CPB2: variants seen among roughly 807,000 people sequenced by gnomAD.
The protein encoded by CPB2 is carboxypeptidase B2.
In CPB2, 54 loss-of-function variants were observed where a neutral mutation model predicts 57.0. The observed-to-expected ratio is 0.95, with a 90% CI of 0.76 to 1.19. The LOEUF (loss-of-function observed/expected upper bound fraction) is 1.19. Among genes scored for constraint, CPB2 ranks in the 50% most tolerant of loss-of-function variants. The pLI is 0.00. For missense variants in CPB2, 426 were observed against 512.0 expected, an observed-to-expected ratio of 0.83 and a Z score of 1.62; for synonymous variants, 189 against 178.1, an observed-to-expected ratio of 1.06 and a Z score of -0.49.
chr13:46,089,578 C>G (rs975674080), intron 1 of CPB2, among the ~76,000 whole-genome samples: 1 of 152,116 alleles, frequency 6.6e-6, no homozygotes, highest in Non-Finnish European at 1.5e-5. Flanking sequence ...AGAAATTGCT[C>G]TGATCTGAAT....
At chr13:46,075,532 A>T (rs906167451) in intron 5 of CPB2, among the ~76,000 whole-genome samples, 1 of 152,234 alleles carries the variant, frequency 6.6e-6, no homozygotes, top group African/African-American at 2.4e-5. Context: ...CTGAAAGCAA[A>T]TGTCATGGGT....
chr13:46,065,520 G>A (rs139975374), intron 7 of CPB2, among the ~76,000 whole-genome samples: 26 of 151,374 alleles, frequency 1.7e-4, no homozygotes, highest in African/African-American at 5.3e-4. Context: ...CCAGCTACTC[G>A]GGAGGCTGAG....
intron 1 of CPB2, among the ~76,000 whole-genome samples, chr13:46,102,555 A>AC (rs1365028211): frequency 6.1e-5 from 9 of 148,092 alleles, no homozygotes; most frequent in African/African-American, 2.0e-4. Flanking sequence ...AAAAAAAAAA[A>AC]AACAAAGAAC....
intron 1 of CPB2, among the ~76,000 whole-genome samples, chr13:46,102,540 CAAAA>C (rs10624204): frequency 0.22 from 24,199 of 108,090 alleles, 2,035 homozygotes; most frequent in Non-Finnish European, 0.28. Flanking sequence ...ATGATTATGA[CAAAA>C]AAAAAAAAAA....
intron 4 of CPB2, among the ~76,000 whole-genome samples, chr13:46,081,922 G>GAA (rs17844199): frequency 1.3e-5 from 2 of 152,002 alleles, no homozygotes; most frequent in South Asian, 4.2e-4. Flanking sequence ...AGTACTGATA[G>GAA]AAAAAAAATC....
chr13:46,074,607 T>C (rs530428028), intron 5 of CPB2, among the ~76,000 whole-genome samples: 1 of 152,292 alleles, frequency 6.6e-6, no homozygotes, highest in East Asian at 1.9e-4. Context: ...TTGATGTCTT[T>C]AGAAGAATTA....
At chr13:46,080,314 C>G (rs2045093042) in intron 4 of CPB2, among the ~76,000 whole-genome samples, 1 of 152,114 alleles carries the variant, frequency 6.6e-6, no homozygotes, top group African/African-American at 2.4e-5. Context: ...TAGGGCTGAT[C>G]AAGAGACCAC....
At chr13:46,093,771 G>A (rs887651435) in intron 1 of CPB2, among the ~76,000 whole-genome samples, 1 of 152,134 alleles carries the variant, frequency 6.6e-6, no homozygotes, top group African/African-American at 2.4e-5. Flanking sequence ...GTAAGTGGCA[G>A]GGGAAGAACA....
intron 7 of CPB2, among the ~76,000 whole-genome samples, chr13:46,066,832 A>G (rs7334547): frequency 0.34 from 50,062 of 146,586 alleles, 8,927 homozygotes; most frequent in African/African-American, 0.39. Flanking sequence ...GCGACAGAGC[A>G]AGACACCATC....
chr13:46,090,249 T>C (rs536502920), intron 1 of CPB2, among the ~76,000 whole-genome samples: 1 of 152,196 alleles, frequency 6.6e-6, no homozygotes, highest in African/African-American at 2.4e-5. Context: ...AAAAATGAAA[T>C]TTTCATTAGA....
At chr13:46,063,780 T>C (rs2044811248) in intron 8 of CPB2, among the ~76,000 whole-genome samples, 1 of 152,130 alleles carries the variant, frequency 6.6e-6, no homozygotes, top group Admixed American at 6.5e-5. Flanking sequence ...AATGCATAAC[T>C]CAACATCATC....
intron 3 of CPB2, 57 bp from the exon 4 acceptor site, chr13:46,082,606 A>G (rs2045136744): frequency 4.5e-6 from 5 of 1,114,860 alleles, no homozygotes; most frequent in South Asian, 1.3e-5. Context: ...ATCTTCCCAC[A>G]TGGCCCATTG....
At chr13:46,104,791 T>C (rs1593927448) in intron 1 of CPB2, 145 bp downstream of exon 1, 3 of 825,184 alleles carry the variant, frequency 3.6e-6, no homozygotes, top group Non-Finnish European at 5.7e-6. Context: ...TCTACTTATT[T>C]GTCAGGGCAA....
chr13:46,086,349 G>A (rs1443809587), intron 2 of CPB2, among the ~76,000 whole-genome samples: 1 of 152,170 alleles, frequency 6.6e-6, no homozygotes, highest in Admixed American at 6.5e-5. Flanking sequence ...GGTGAGCAAG[G>A]TGAAGAGGAG....
intron 8 of CPB2, among the ~76,000 whole-genome samples, chr13:46,064,301 T>C (rs916121154): frequency 6.6e-6 from 1 of 152,162 alleles, no homozygotes; most frequent in African/African-American, 2.4e-5. Flanking sequence ...AGGTCTTTGA[T>C]ATTCTAATGA....
chr13:46,079,150 G>A (rs1317494717), intron 4 of CPB2, among the ~76,000 whole-genome samples: 1 of 152,284 alleles, frequency 6.6e-6, no homozygotes, highest in African/African-American at 2.4e-5. Context: ...GGTAGGAAAA[G>A]TTAATCTATA....
chr13:46,087,414 T>C (rs571632108), intron 2 of CPB2, among the ~76,000 whole-genome samples: 30 of 152,392 alleles, frequency 2.0e-4, no homozygotes, highest in South Asian at 4.1e-4. Flanking sequence ...GTACTCTGTC[T>C]TTCTGGTGCA....
chr13:46,063,102 A>C (rs1465881033), intron 8 of CPB2, among the ~76,000 whole-genome samples: 2 of 152,180 alleles, frequency 1.3e-5, no homozygotes, highest in African/African-American at 4.8e-5. Context: ...GAAATGTAGT[A>C]CTATGAAAAA....
At chr13:46,081,017 C>T (rs532847379) in intron 4 of CPB2, among the ~76,000 whole-genome samples, 10 of 143,542 alleles carry the variant, frequency 7.0e-5, no homozygotes, top group African/African-American at 2.1e-4. Context: ...TGAGGAAGAA[C>T]GCTGTGAGAT....
Sources: gnomAD v4.1 joint callset for allele counts (sites outside exome capture counted in the v4.1 genomes callset) on GRCh38, gnomAD v4.1.1 for gene constraint, MANE v1.5 for transcripts, NCBI Gene and HGNC (gene_info 2026-07-23, HGNC 2026-07-21) for gene names.